HHAT: variants seen among roughly 807,000 people sequenced by gnomAD.
HHAT encodes protein-cysteine N-palmitoyltransferase HHAT.
HHAT carries 47 observed loss-of-function variants against 70.8 expected under a neutral mutation model. That is an observed-to-expected ratio of 0.66 (90% CI 0.53 to 0.85). The LOEUF (loss-of-function observed/expected upper bound fraction) is 0.85. Among genes scored for constraint, HHAT ranks in the 40% least tolerant of loss-of-function variants. The probability of loss-of-function intolerance (pLI) is 0.00; values close to 1 mark genes in which losing one functional copy is unlikely to be tolerated. For missense variants in HHAT, 609 were observed against 604.8 expected, an observed-to-expected ratio of 1.01 and a Z score of -0.07; for synonymous variants, 228 against 247.6, an observed-to-expected ratio of 0.92 and a Z score of 0.74.
At chr1:210,615,548 T>G (rs1435688343) in intron 10 of HHAT, among the ~76,000 whole-genome samples, 1 of 152,224 alleles carries the variant, frequency 6.6e-6, no homozygotes, top group African/African-American at 2.4e-5. Context: ...TTGTTCTGTT[T>G]TTTCCCCATC....
chr1:210,403,362 CCATTTAT>C (rs1377788343), intron 5 of HHAT, among the ~76,000 whole-genome samples: 1 of 152,278 alleles, frequency 6.6e-6, no homozygotes, highest in East Asian at 1.9e-4. Flanking sequence ...GAATCTAATT[CCATTTAT>C]CATTTATTTG....
chr1:210,565,310 T>G (rs1312415637), intron 9 of HHAT, among the ~76,000 whole-genome samples: 2 of 152,236 alleles, frequency 1.3e-5, no homozygotes, highest in African/African-American at 2.4e-5. Context: ...GAGTTAAGTC[T>G]GCCCTGAAAC....
chr1:210,378,438 A>G (rs2090393043), intron 3 of HHAT, among the ~76,000 whole-genome samples: 2 of 152,228 alleles, frequency 1.3e-5, no homozygotes, highest in African/African-American at 4.8e-5. Flanking sequence ...GATAAGGAAA[A>G]TAGTAAATAT....
intron 2 of HHAT, among the ~76,000 whole-genome samples, chr1:210,352,779 G>A (rs992891857): frequency 6.6e-6 from 1 of 152,110 alleles, no homozygotes; most frequent in Admixed American, 6.5e-5. Context: ...AGAATATCTT[G>A]AAGTCATATG....
At chr1:210,649,720 A>G (rs963930358) in intron 11 of HHAT, among the ~76,000 whole-genome samples, 2 of 152,228 alleles carry the variant, frequency 1.3e-5, no homozygotes, top group African/African-American at 4.8e-5. Context: ...ATGGGAAAGC[A>G]GAATGTTGGA....
chr1:210,506,123 A>G (rs2094849526), intron 8 of HHAT, among the ~76,000 whole-genome samples: 1 of 152,184 alleles, frequency 6.6e-6, no homozygotes, highest in South Asian at 2.1e-4. Flanking sequence ...GAGTAAGCAT[A>G]TGGGCAGCAC....
rs3033354 is a variant in HHAT, at chr1:210,334,178, A to ATTTTTTTTTTTTTTTTTTTTTT, written c.-44+5094_-44+5095insTTTTTTTTTTTTTTTTTTTTTT. On this transcript the variant is annotated intron_variant, in intron 1 of 11. Transcript: ENST00000261458. Reference sequence around the variant, plus strand: ...TACTTGCTGGCCACTTTAGCGTGTCATTTTTTTTTTTTTTTTTTTTGAGAA... The same window carrying ATTTTTTTTTTTTTTTTTTTTTT: ...TACTTGCTGGCCACTTTAGCGTGTCATTTTTTTTTTTTTTTTTTTTTTTTTTTTTTTTTTTTTTTTTTGAGAA... Among the ~76,000 whole-genome samples the ATTTTTTTTTTTTTTTTTTTTTT allele has an allele frequency of 5.2e-3, 518 of 99,926 alleles. 135 individuals are homozygous for ATTTTTTTTTTTTTTTTTTTTTT. The highest frequency in any genetic ancestry group is 6.6e-3 in the African/African-American group (181 of 27,346). The allele number at this position is 99,926 out of a possible 152,430, so 65.6% of individuals were successfully genotyped here. A position where few individuals can be genotyped will look rare whatever the true frequency, so the allele number is the denominator to read the frequency against.
At chr1:210,670,239 C>T (rs1679802119) in intron 11 of HHAT, among the ~76,000 whole-genome samples, 1 of 152,180 alleles carries the variant, frequency 6.6e-6, no homozygotes, top group South Asian at 2.1e-4. Flanking sequence ...CCTACCCCTG[C>T]CCCCCTGGGC....
intron 8 of HHAT, among the ~76,000 whole-genome samples, chr1:210,468,077 T>C (rs529286066): frequency 1.3e-3 from 192 of 152,338 alleles, no homozygotes; most frequent in Non-Finnish European, 2.2e-3. Flanking sequence ...CTTTTTCATA[T>C]AATTTCTGCT....
At chr1:210,497,371 C>G (rs963609213) in intron 8 of HHAT, among the ~76,000 whole-genome samples, 3 of 152,156 alleles carry the variant, frequency 2.0e-5, no homozygotes, top group Admixed American at 2.0e-4. Flanking sequence ...CCTAAGCAGG[C>G]TAGAAGTCTC....
intron 7 of HHAT, 95 bp downstream of exon 7, chr1:210,418,420 G>A (rs950337631): frequency 3.0e-5 from 34 of 1,141,790 alleles, no homozygotes; most frequent in Non-Finnish European, 4.2e-5. Flanking sequence ...AGGGGTGCAG[G>A]TGCCTATAGC....
At chr1:210,487,297 C>T (rs2094487287) in intron 8 of HHAT, among the ~76,000 whole-genome samples, 1 of 141,740 alleles carries the variant, frequency 7.1e-6, no homozygotes. Context: ...TAAGTCAATA[C>T]TCAAAAATAA....
At chr1:210,497,163 G>A (rs974883576) in intron 8 of HHAT, among the ~76,000 whole-genome samples, 3 of 152,114 alleles carry the variant, frequency 2.0e-5, no homozygotes, top group Non-Finnish European at 4.4e-5. Flanking sequence ...CTTGAGAATA[G>A]GGATTATTAG....
intron 10 of HHAT, among the ~76,000 whole-genome samples, chr1:210,601,361 A>G (rs972823776): frequency 2.0e-5 from 3 of 152,178 alleles, no homozygotes; most frequent in African/African-American, 4.8e-5. Flanking sequence ...CCAAGCCCCA[A>G]CTAAGCCTCT....
At chr1:210,467,108 G>A (rs570006175) in intron 8 of HHAT, among the ~76,000 whole-genome samples, 1 of 152,162 alleles carries the variant, frequency 6.6e-6, no homozygotes. Context: ...ATGCATAGGT[G>A]TAGGTTTTCC....
intron 7 of HHAT, among the ~76,000 whole-genome samples, chr1:210,448,876 G>A (rs1558537233): frequency 6.6e-6 from 1 of 152,072 alleles, no homozygotes. Context: ...TAGATGGAGC[G>A]GGGCTCAGTG....
Position 210,401,760 on chromosome 1 carries a change from G to C in HHAT, c.468+1098G>C, listed in dbSNP as rs146770387. ...AGAATTGGTGGATGACAGACAGACT[G>C]CCTTCTGAGTTGAGTTTCCTGTGCC... On this transcript the variant is annotated intron_variant, in intron 5 of 11. Transcript: ENST00000261458. 2.6e-5 allele frequency among the ~76,000 whole-genome samples: 4 copies of C among 152,318 alleles called. No individual in the cohort carries two copies. In the East Asian group the frequency reaches 7.7e-4, roughly 29 times the overall value.
chr1:210,333,726 C>T (rs1044455135), intron 1 of HHAT, among the ~76,000 whole-genome samples: 1 of 151,902 alleles, frequency 6.6e-6, no homozygotes, highest in East Asian at 1.9e-4. Flanking sequence ...GGCATGATCT[C>T]GGCTCACTGC....
chr1:210,578,004 CATAAA>C (rs1259951760), intron 9 of HHAT, among the ~76,000 whole-genome samples: 1 of 152,054 alleles, frequency 6.6e-6, no homozygotes, highest in East Asian at 1.9e-4. Flanking sequence ...ATGATGGCCT[CATAAA>C]ATGAGTTTGG....
Sources: allele counts gnomAD v4.1 joint callset (sites outside exome capture counted in the v4.1 genomes callset), GRCh38; gene constraint gnomAD v4.1.1; transcripts MANE v1.5; gene names NCBI Gene and HGNC (gene_info 2026-07-23, HGNC 2026-07-21).